Variants in CERK observed in about 807,000 individuals in gnomAD.
CERK encodes the protein ceramide kinase, also known as acylsphingosine kinase.
A neutral mutation model predicts 63.4 loss-of-function variants in CERK; 39 were observed. That is an observed-to-expected ratio of 0.61 (90% CI 0.48 to 0.80). The LOEUF is 0.80. Among genes scored for constraint, CERK ranks in the 30% least tolerant of loss-of-function variants. The probability of loss-of-function intolerance (pLI) is 0.00; values close to 1 mark genes in which losing one functional copy is unlikely to be tolerated. For missense variants in CERK, 670 were observed against 714.1 expected (o/e 0.94, Z 0.70); for synonymous variants, 302 against 280.0 (o/e 1.08, Z -0.78).
At chr22:46,706,130 C>T (rs1225962726) in intron 6 of CERK, among the ~76,000 whole-genome samples, 3 of 152,238 alleles carry the variant, frequency 2.0e-5, no homozygotes, top group Admixed American at 6.5e-5. Context: ...CAGAGCTCGA[C>T]CTTGCACAGC....
At chr22:46,729,036 CTGTACCCAGCCAGGCTGAGCACCTGCTTT>C (rs2082933411) in intron 1 of CERK, among the ~76,000 whole-genome samples, 1 of 152,232 alleles carries the variant, frequency 6.6e-6, no homozygotes. Flanking sequence ...GACCTGCCAT[CTGTACCCAGCCAGGCTGAGCACCTGCTTT>C]TGAAAAAGAA....
chr22:46,691,829 C>CT, intron 10 of CERK, 52 bp from the exon 11 acceptor site: 2 of 1,506,188 alleles, frequency 1.3e-6, no homozygotes, highest in Non-Finnish European at 1.8e-6. Context: ...CGCCGGGCAG[C>CT]GCCCTGCACC....
intron 8 of CERK, among the ~76,000 whole-genome samples, chr22:46,698,809 G>T (rs1014322954): frequency 7.9e-5 from 12 of 152,156 alleles, no homozygotes; most frequent in African/African-American, 2.9e-4. Flanking sequence ...GCTGAGGTGG[G>T]AGAATCACTT....
intron 7 of CERK, 48 bp downstream of exon 7, chr22:46,701,587 CG>C: frequency 6.7e-7 from 1 of 1,485,364 alleles, no homozygotes; most frequent in Non-Finnish European, 9.1e-7. Flanking sequence ...GGCCTGGGGG[CG>C]CAGGAGGCCC....
At chr22:46,701,461 G>A (rs928060218) in intron 7 of CERK, among the ~76,000 whole-genome samples, 175 bp downstream of exon 7, 25 of 152,404 alleles carry the variant, frequency 1.6e-4, no homozygotes, top group Admixed American at 1.6e-3. Context: ...CGTGGCCTCG[G>A]AGCTGCGTGC....
At position 46,691,769 on chromosome 22, in the gene CERK, C is replaced by T; in HGVS notation, c.1135G>A (p.Glu379Lys). 6.2e-7 allele frequency: 1 copy of T among 1,609,476 alleles called. No homozygotes were observed. The highest frequency in any genetic ancestry group is 8.5e-7 in the Non-Finnish European group (1 of 1,176,398). Reference protein sequence around the residue: ...LYGLEAAEDVEEWQVVCGKFL... With the variant: ...LYGLEAAEDVKEWQVVCGKFL... ...TTCCCACAGACGACTTGCCACTCCT[C>T]CACGTCCTCTGAAGCACAAAGAACC... The change falls in exon 11 of 13, where the codon GAG (glutamate) becomes AAG (lysine). Residue 379 changes from glutamate (E) to lysine (K), a missense_variant. Physicochemically the swap from Glu to Lys is moderately conservative, Grantham distance 56. Transcript: ENST00000216264.
chr22:46,727,834 C>T (rs908698363), intron 1 of CERK, among the ~76,000 whole-genome samples: 1 of 151,870 alleles, frequency 6.6e-6, no homozygotes, highest in Non-Finnish European at 1.5e-5. Context: ...CCCAGCCACC[C>T]CCCCCGGCCC....
At chr22:46,690,336 C>T (rs1169222042) in intron 11 of CERK, 136 bp from the exon 12 acceptor site, 2 of 631,078 alleles carry the variant, frequency 3.2e-6, no homozygotes, top group East Asian at 2.7e-5. Flanking sequence ...GATGCGACTG[C>T]TTGTGCAGGC....
intron 1 of CERK, 40 bp downstream of exon 1, chr22:46,737,967 T>G: frequency 8.9e-7 from 1 of 1,122,900 alleles, no homozygotes. Flanking sequence ...CCCCGCTCCC[T>G]GGCCAGGTCC....
intron 3 of CERK, among the ~76,000 whole-genome samples, chr22:46,719,169 T>C (rs1028207088): frequency 6.6e-6 from 1 of 151,458 alleles, no homozygotes; most frequent in Admixed American, 6.6e-5. Flanking sequence ...TGTGTGTGTG[T>C]GTGTCTACCA....
intron 1 of CERK, among the ~76,000 whole-genome samples, chr22:46,729,141 C>A (rs2082933758): frequency 6.6e-6 from 1 of 152,114 alleles, no homozygotes; most frequent in African/African-American, 2.4e-5. Context: ...AGCGGGAGGA[C>A]TGCTTGAGGC....
intron 1 of CERK, among the ~76,000 whole-genome samples, chr22:46,733,208 CAAAAA>C (rs35759818): frequency 1.3e-5 from 1 of 77,362 alleles, no homozygotes. Context: ...GACTCTGTCT[CAAAAA>C]AAAAAAAAAA....
intron 1 of CERK, among the ~76,000 whole-genome samples, chr22:46,733,599 C>CT (rs1190664002): frequency 4.0e-5 from 6 of 150,912 alleles, no homozygotes; most frequent in Admixed American, 6.6e-5. Context: ...CGGCCCTTAT[C>CT]TTTTTTTTTA....
intron 3 of CERK, among the ~76,000 whole-genome samples, chr22:46,716,505 T>A (rs1250940794): frequency 7.0e-6 from 1 of 143,332 alleles, no homozygotes; most frequent in African/African-American, 2.6e-5. Context: ...CCCCGTCTCT[T>A]AAAAAAAAAA....
At chr22:46,722,813 C>A (rs2082899229) in intron 1 of CERK, among the ~76,000 whole-genome samples, 1 of 152,226 alleles carries the variant, frequency 6.6e-6, no homozygotes, top group South Asian at 2.1e-4. Context: ...CAAGACCAGG[C>A]AGTCCACGTG....
At chr22:46,695,557 T>C (rs2082752088) in intron 8 of CERK, among the ~76,000 whole-genome samples, 1 of 152,240 alleles carries the variant, frequency 6.6e-6, no homozygotes, top group Non-Finnish European at 1.5e-5. Flanking sequence ...CCAGTGATGC[T>C]GGGACAGCCA....
intron 3 of CERK, 100 bp from the exon 4 acceptor site, chr22:46,712,393 G>T: frequency 9.6e-7 from 1 of 1,038,734 alleles, no homozygotes; most frequent in Non-Finnish European, 1.4e-6. Context: ...TTAGAATTCT[G>T]CTTAGTATTA....
rs570044670 is a variant in CERK at position 46,687,597 on chromosome 22, C to T, written c.1542-391G>A. Among the ~76,000 whole-genome samples the T allele has an allele frequency of 2.2e-4, 33 of 151,736 alleles. No individual in the cohort carries two copies. In the South Asian group the frequency reaches 6.9e-3, roughly 32 times the overall value. ...GCCCACTCCACCCACCCACCCACCT[C>T]CATTTTCTCAGCAGTACTGAGCGCG... On this transcript the variant is annotated intron_variant, in intron 12 of 12. Transcript: ENST00000216264.
intron 3 of CERK, among the ~76,000 whole-genome samples, chr22:46,717,087 T>C (rs557611598): frequency 9.2e-5 from 14 of 152,340 alleles, no homozygotes; most frequent in Non-Finnish European, 1.3e-4. Context: ...CTCAACCTCA[T>C]TAACCATTAG....
Sources: allele counts gnomAD v4.1 joint callset (sites outside exome capture counted in the v4.1 genomes callset), GRCh38; gene constraint gnomAD v4.1.1; transcripts MANE v1.5; gene names NCBI Gene and HGNC (gene_info 2026-07-23, HGNC 2026-07-21).